The following RGS7 variants were observed in gnomAD, a reference collection of about 807,000 sequenced individuals.
The protein encoded by RGS7 is regulator of G-protein signaling 7.
RGS7 carries 27 observed loss-of-function variants against 81.1 expected under a neutral mutation model. The ratio of observed to expected loss-of-function variants is 0.33; its 90% CI spans 0.25 to 0.46. The LOEUF (loss-of-function observed/expected upper bound fraction) is 0.46, where lower values mean the gene tolerates loss of function less well. Ranked by LOEUF, RGS7 falls within the 20% of genes least tolerant of loss-of-function variation. The probability of loss-of-function intolerance (pLI) is 1.00; values close to 1 mark genes in which losing one functional copy is unlikely to be tolerated. For synonymous variants in RGS7, 208 were observed against 207.7 expected, an observed-to-expected ratio of 1.00 and a Z score of -0.01; for missense variants, 396 against 607.4, an observed-to-expected ratio of 0.65 and a Z score of 3.66.
intron 2 of RGS7, among the ~76,000 whole-genome samples, chr1:241,257,254 C>T (rs1200882807): frequency 6.6e-6 from 1 of 152,090 alleles, no homozygotes; most frequent in African/African-American, 2.4e-5. Flanking sequence ...TAGATGTCAC[C>T]TCTTTCTGTA....
At chr1:240,923,126 A>C (rs912259604) in intron 6 of RGS7, among the ~76,000 whole-genome samples, 16 of 152,100 alleles carry the variant, frequency 1.1e-4, no homozygotes, top group African/African-American at 3.6e-4. Context: ...ACCCTATGAC[A>C]TTCTGTAAAA....
At chr1:241,151,137 A>G (rs2068718781) in intron 2 of RGS7, among the ~76,000 whole-genome samples, 1 of 152,182 alleles carries the variant, frequency 6.6e-6, no homozygotes, top group African/African-American at 2.4e-5. Context: ...TCTCCTGCAT[A>G]CACACCCTAA....
At chr1:240,845,763 T>C (rs1658960154) in intron 9 of RGS7, among the ~76,000 whole-genome samples, 1 of 152,240 alleles carries the variant, frequency 6.6e-6, no homozygotes, top group South Asian at 2.1e-4. Context: ...GCATTATTGT[T>C]CTCTTACATT....
At chr1:241,091,760 G>A (rs758663139) in intron 3 of RGS7, among the ~76,000 whole-genome samples, 5 of 150,630 alleles carry the variant, frequency 3.3e-5, no homozygotes, top group Non-Finnish European at 7.4e-5. Flanking sequence ...GTTGGTGCAT[G>A]CCTGTAGTCC....
At chr1:241,168,620 A>T (rs2070465697) in intron 2 of RGS7, among the ~76,000 whole-genome samples, 1 of 152,086 alleles carries the variant, frequency 6.6e-6, no homozygotes, top group South Asian at 2.1e-4. Context: ...GATTTTGCAG[A>T]TTTTGTTCGA....
chr1:241,005,241 T>C (rs1013963656), intron 3 of RGS7, among the ~76,000 whole-genome samples: 1 of 152,222 alleles, frequency 6.6e-6, no homozygotes, highest in East Asian at 1.9e-4. Flanking sequence ...AACTAAAAGG[T>C]ATAGCCCTAT....
intron 2 of RGS7, among the ~76,000 whole-genome samples, chr1:241,204,457 T>C (rs1183075123): frequency 2.0e-5 from 3 of 152,212 alleles, no homozygotes; most frequent in African/African-American, 7.2e-5. Flanking sequence ...TTGGACAATT[T>C]TCTTAGTGAA....
chr1:241,055,420 G>A (rs991403994), intron 3 of RGS7, among the ~76,000 whole-genome samples: 10 of 152,132 alleles, frequency 6.6e-5, no homozygotes, highest in African/African-American at 2.4e-4. Flanking sequence ...TTCACTTATG[G>A]TCATTCATTA....
intron 2 of RGS7, among the ~76,000 whole-genome samples, chr1:241,129,037 G>A (rs997297586): frequency 6.6e-6 from 1 of 152,070 alleles, no homozygotes; most frequent in African/African-American, 2.4e-5. Context: ...GAGGAGAGAC[G>A]TAATTAAACA....
chr1:241,206,959 G>GT (rs1316377329), intron 2 of RGS7, among the ~76,000 whole-genome samples: 16 of 116,348 alleles, frequency 1.4e-4, no homozygotes, highest in Admixed American at 2.9e-4. Context: ...TTCTCTCTCT[G>GT]GTTTTTTTTT....
At chr1:241,048,849 G>A (rs959018728) in intron 3 of RGS7, among the ~76,000 whole-genome samples, 2 of 152,182 alleles carry the variant, frequency 1.3e-5, no homozygotes, top group African/African-American at 2.4e-5. Context: ...CTACAGGTCT[G>A]AGACTGATGT....
rs899912510 is a variant in RGS7 at position 241,106,908 on chromosome 1, T to A, written c.79-8146A>T. On this transcript the variant is annotated intron_variant, in intron 2 of 18. Transcript: ENST00000440928. ...ATAGACGTTTCTGCTTTTTTTTTTTTAAATAAATCATTTCTCTCATTCATC... is the reference window on the plus strand; with the variant it reads ...ATAGACGTTTCTGCTTTTTTTTTTTAAAATAAATCATTTCTCTCATTCATC... 1.9e-4 allele frequency among the ~76,000 whole-genome samples: 29 copies of A among 151,482 alleles called. 1 individual carries two copies. The highest frequency in any genetic ancestry group is 1.7e-3 in the South Asian group (8 of 4,802).
chr1:241,048,197 A>C (rs1335655127), intron 3 of RGS7, among the ~76,000 whole-genome samples: 1 of 152,160 alleles, frequency 6.6e-6, no homozygotes, highest in Non-Finnish European at 1.5e-5. Flanking sequence ...TTTCCACTTT[A>C]GATCCGTCTA....
At chr1:241,319,744 A>C (rs2081101645) in intron 2 of RGS7, among the ~76,000 whole-genome samples, 1 of 152,054 alleles carries the variant, frequency 6.6e-6, no homozygotes, top group Non-Finnish European at 1.5e-5. Flanking sequence ...ATCATATCTC[A>C]CTTCACTCAT....
chr1:240,944,875 G>A (rs1472926222), intron 4 of RGS7, among the ~76,000 whole-genome samples: 5 of 152,190 alleles, frequency 3.3e-5, no homozygotes, highest in African/African-American at 7.2e-5. Context: ...CACCACGCCC[G>A]GCTAATTTTT....
At chr1:241,031,828 T>C (rs2060098708) in intron 3 of RGS7, among the ~76,000 whole-genome samples, 1 of 147,782 alleles carries the variant, frequency 6.8e-6, no homozygotes, top group Non-Finnish European at 1.5e-5. Context: ...GGGTTATTTG[T>C]TTTCTTTGTC....
Position 240,875,916 on chromosome 1 carries a change from T to C in RGS7, c.386-5797A>G, listed in dbSNP as rs552970011. Among the ~76,000 whole-genome samples, 10 of 152,324 alleles carry C rather than the reference T, an allele frequency of 6.6e-5. No individual in the cohort carries two copies. The South Asian group carries it at 2.1e-3, about 32-fold the overall frequency. ...TCCTGCTTCATTGATACCACCAGGG[T>C]GATCTAGCTTGCCACTCTCTAGACT... On this transcript the variant is annotated intron_variant, in intron 6 of 18. Coordinates refer to ENST00000440928, the MANE Select transcript of RGS7 (RefSeq NM_001364886.1).
intron 3 of RGS7, among the ~76,000 whole-genome samples, chr1:241,052,413 G>A (rs1212365008): frequency 6.6e-6 from 1 of 152,082 alleles, no homozygotes; most frequent in Non-Finnish European, 1.5e-5. Flanking sequence ...GGTATTTCCA[G>A]TCAGGGATAA....
intron 2 of RGS7, among the ~76,000 whole-genome samples, chr1:241,316,825 T>A (rs2080907669): frequency 6.6e-6 from 1 of 152,200 alleles, no homozygotes; most frequent in African/African-American, 2.4e-5. Context: ...AAGATGAATG[T>A]CAAAATTCCA....
Sources: gnomAD v4.1 joint callset for allele counts (sites outside exome capture counted in the v4.1 genomes callset) on GRCh38, gnomAD v4.1.1 for gene constraint, MANE v1.5 for transcripts, NCBI Gene and HGNC (gene_info 2026-07-23, HGNC 2026-07-21) for gene names.